UGT1A5: variants seen among roughly 807,000 people sequenced by gnomAD.
The protein encoded by UGT1A5 is UDP glucuronosyltransferase family 1 member A5.
In UGT1A5, 29 loss-of-function variants were observed where a neutral mutation model predicts 40.3. That is an observed-to-expected ratio of 0.72 (90% CI 0.54 to 0.98). The LOEUF is 0.98. Ranked by LOEUF, UGT1A5 falls within the 50% of genes least tolerant of loss-of-function variation. The pLI, the probability that UGT1A5 is intolerant of heterozygous loss-of-function variation, is 0.00. For synonymous variants in UGT1A5, 257 were observed against 262.5 expected (o/e 0.98, Z 0.20); for missense variants, 678 against 677.9 (o/e 1.00, Z 0.00).
At chr2:233,734,939 T>C (rs1485596557) in intron 1 of UGT1A5, among the ~76,000 whole-genome samples, 1 of 152,222 alleles carries the variant, frequency 6.6e-6, no homozygotes, top group Non-Finnish European at 1.5e-5. Flanking sequence ...TACAATCATA[T>C]GGTCAGTTTT....
chr2:233,760,637 A>G (rs1399740159), intron 1 of UGT1A5: 1 of 1,614,182 alleles, frequency 6.2e-7, no homozygotes, highest in South Asian at 1.1e-5. Context: ...AAGAAAATAA[A>G]AAAGGACTCT....
Position 233,768,265 on chromosome 2 carries a change from G to T in UGT1A5, c.1133G>T (p.Gly378Val), listed in dbSNP as rs1283652721. Residue 378 changes from glycine to valine, a missense_variant, in exon 4 of 5, where the codon GGT becomes GTT. By Grantham distance (109) the Gly-to-Val change is moderately radical. Transcript: ENST00000373414. The part of the protein sequence containing the change: ...RAFITHAGSH[G>V]VYESICNGVP... ...TTTATCACCCATGCTGGTTCCCATGGTGTTTATGAAAGCATATGCAATGGC... is the reference window on the plus strand; with the variant it reads ...TTTATCACCCATGCTGGTTCCCATGTTGTTTATGAAAGCATATGCAATGGC... 5.0e-6 allele frequency: 8 copies of T among 1,614,030 alleles called. No individual in the cohort carries two copies. The highest frequency in any genetic ancestry group is 6.8e-6 in the Non-Finnish European group (8 of 1,180,030).
chr2:233,733,382 G>A (rs1164801978), intron 1 of UGT1A5, among the ~76,000 whole-genome samples: 3 of 152,128 alleles, frequency 2.0e-5, no homozygotes, highest in African/African-American at 7.2e-5. Context: ...TCCTTGTTTT[G>A]TGCCAGTTTT....
intron 1 of UGT1A5, among the ~76,000 whole-genome samples, chr2:233,733,906 G>A (rs576095795): frequency 6.6e-6 from 1 of 152,124 alleles, no homozygotes; most frequent in South Asian, 2.1e-4. Context: ...GTACCTCTCT[G>A]GTAGAATTCG....
chr2:233,729,468 G>A lies in UGT1A5; in HGVS notation c.867+15610G>A, dbSNP rs28898619. ...TTCTGAAGAAATTTTTCAGAAGTAT[G>A]GCAATGTTGAACAATATGTCTTTGG... On this transcript the variant is annotated intron_variant, in intron 1 of 4. Coordinates refer to ENST00000373414, the MANE Select transcript of UGT1A5 (RefSeq NM_019078.2). 1.9e-3 allele frequency: 3,095 copies of A among 1,614,142 alleles called. 65 individuals are homozygous for A. The African/African-American group carries it at 0.037, about 19-fold the overall frequency.
At chr2:233,738,690 T>C (rs1178120168) in intron 1 of UGT1A5, among the ~76,000 whole-genome samples, 2 of 152,174 alleles carry the variant, frequency 1.3e-5, no homozygotes, top group African/African-American at 2.4e-5. Flanking sequence ...TTGGAACTTA[T>C]GTTTAAAAGG....
At chr2:233,719,126 A>G (rs771877893) in intron 1 of UGT1A5, 1 of 1,614,270 alleles carries the variant, frequency 6.2e-7, no homozygotes. Context: ...GGTTCTTTGA[A>G]ACAGAACATC....
intron 1 of UGT1A5, among the ~76,000 whole-genome samples, chr2:233,744,590 G>C (rs1190508519): frequency 6.6e-6 from 1 of 151,850 alleles, no homozygotes; most frequent in Non-Finnish European, 1.5e-5. Flanking sequence ...TACAGTTTTT[G>C]CATCTCTCTT....
intron 1 of UGT1A5, chr2:233,717,787 T>G (rs749121467): frequency 2.2e-6 from 1 of 456,322 alleles, no homozygotes; most frequent in Admixed American, 2.3e-5. Flanking sequence ...ATTTTGAAAT[T>G]TGAAGTAGTG....
intron 1 of UGT1A5, among the ~76,000 whole-genome samples, chr2:233,758,520 T>A (rs1404036248): frequency 1.3e-5 from 2 of 152,094 alleles, no homozygotes; most frequent in African/African-American, 4.8e-5. Context: ...CAACAAAGAG[T>A]GAAAGCATTG....
Position 233,768,056 on chromosome 2 carries a change from T to G in UGT1A5, c.1087+120T>G, listed in dbSNP as rs35523971. The G allele has an allele frequency of 3.2e-4, 515 of 1,603,390 alleles. No homozygotes were observed. In the African/African-American group the frequency reaches 5.5e-3, roughly 17 times the overall value. On this transcript the variant is annotated intron_variant, in intron 3 of 4. Transcript: ENST00000373414. The stretch of plus-strand genomic sequence containing the variant: ...ATATTATGGCCAACATATCCTACAT[T>G]GCTTTTTATCTAGTGGGGTATCTCA...
In UGT1A5 at chr2:233,769,690, G is replaced by A; in HGVS notation, c.1307+1251G>A. ...GTGCTAATGTGTGTGTGGTGGCACT[G>A]GATAAAAGATCAATGTTGGCTAGGC... On this transcript the variant is annotated intron_variant, in intron 4 of 4. Transcript: ENST00000373414. The surrounding 1 kb of genome is among the most constrained non-coding windows in gnomAD (Gnocchi z 4.4). The A allele has an allele frequency of 6.5e-7, 1 of 1,547,510 alleles. No homozygotes were observed. Among genetic ancestry groups the A allele is most frequent in the African/African-American group, 1.4e-5 (1 of 73,636 alleles).
chr2:233,726,527 G>A (rs2125719925), intron 1 of UGT1A5, among the ~76,000 whole-genome samples: 1 of 152,108 alleles, frequency 6.6e-6, no homozygotes, highest in South Asian at 2.1e-4. Context: ...TCCACTTTTA[G>A]GGAGATGCAG....
At chr2:233,743,343 C>T in intron 1 of UGT1A5, 5 of 866,282 alleles carry the variant, frequency 5.8e-6, no homozygotes, top group South Asian at 1.4e-5. Context: ...CAGTGGAAGT[C>T]GACATGGACT....
intron 4 of UGT1A5, chr2:233,770,929 T>C (rs1212453952): frequency 6.6e-6 from 1 of 152,194 alleles, no homozygotes; most frequent in African/African-American, 2.4e-5. Context: ...CTGACATCAC[T>C]TGGCTGCCGG....
chr2:233,719,487 A>C lies in UGT1A5; in HGVS notation c.867+5629A>C, dbSNP rs138822211. The C allele has an allele frequency of 3.9e-4, 633 of 1,613,068 alleles. 2 individuals are homozygous for C. Among genetic ancestry groups the C allele is most frequent in the African/African-American group, 3.8e-3 (282 of 75,012 alleles). ...GCTCTACCCTCTGGCCCTGTCCTAC[A>C]TTTGCCATACTTTTTCTGCCCCTTA... On this transcript the variant is annotated intron_variant, in intron 1 of 4. Coordinates refer to ENST00000373414, the MANE Select transcript of UGT1A5 (RefSeq NM_019078.2).
At chr2:233,724,358 C>A (rs2077236787) in intron 1 of UGT1A5, among the ~76,000 whole-genome samples, 6 of 147,934 alleles carry the variant, frequency 4.1e-5, no homozygotes, top group Non-Finnish European at 3.0e-5. Flanking sequence ...CACCTCCCTC[C>A]CGGACGGGGT....
At chr2:233,757,844 A>G (rs1442911565) in intron 1 of UGT1A5, among the ~76,000 whole-genome samples, 1 of 151,968 alleles carries the variant, frequency 6.6e-6, no homozygotes. Context: ...CTACTAACTT[A>G]TGTCTTCAGC....
In UGT1A5 at chr2:233,769,639, C is replaced by T; in HGVS notation, c.1307+1200C>T. 2.5e-6 allele frequency: 4 copies of T among 1,609,972 alleles called. No homozygotes were observed. The highest frequency in any genetic ancestry group is 1.3e-5 in the African/African-American group (1 of 75,022). The stretch of plus-strand genomic sequence containing the variant: ...TTGAGCAAGGGACAACAGGGGAGGA[C>T]TGATGACTGACTTCCCACCTTTGAG... On this transcript the variant is annotated intron_variant, in intron 4 of 4. Transcript: ENST00000373414. This position sits in a 1 kb window ranked among gnomAD's most constrained non-coding sequence, Gnocchi z 4.4.
Sources: gnomAD v4.1 joint callset for allele counts (sites outside exome capture counted in the v4.1 genomes callset) on GRCh38, gnomAD v4.1.1 for gene constraint, Gnocchi (gnomAD v3.1) non-coding constraint, MANE v1.5 for transcripts, NCBI Gene and HGNC (gene_info 2026-07-23, HGNC 2026-07-21) for gene names.